The following DLGAP2 variants were observed in gnomAD, a reference collection of about 807,000 sequenced individuals.
The protein encoded by DLGAP2 is disks large-associated protein 2.
Under a neutral mutation model 100.3 loss-of-function variants are expected in DLGAP2, and 26 were observed. The observed-to-expected ratio is 0.26, with a 90% CI of 0.19 to 0.36. The LOEUF (loss-of-function observed/expected upper bound fraction) is 0.36. DLGAP2 is among the 10% of genes least tolerant of loss of function. The pLI is 1.00. For missense variants in DLGAP2, 1,858 were observed against 1,453.2 expected (o/e 1.28, Z -4.53); for synonymous variants, 886 against 630.1 (o/e 1.41, Z -6.08).
At chr8:1,355,974 C>G (rs1382556747) in intron 3 of DLGAP2, among the ~76,000 whole-genome samples, 1 of 152,114 alleles carries the variant, frequency 6.6e-6, no homozygotes, top group Non-Finnish European at 1.5e-5. Context: ...TGGCCTCACC[C>G]AAGGCTCCGC....
chr8:1,017,983 C>G (rs1801518136), intron 2 of DLGAP2, among the ~76,000 whole-genome samples: 1 of 152,174 alleles, frequency 6.6e-6, no homozygotes, highest in Non-Finnish European at 1.5e-5. Flanking sequence ...CAAGTGTACC[C>G]CACAACCTGA....
intron 2 of DLGAP2, among the ~76,000 whole-genome samples, chr8:1,172,930 G>A (rs550782277): frequency 2.9e-4 from 44 of 152,206 alleles, no homozygotes; most frequent in Non-Finnish European, 5.6e-4. Context: ...GTGAGGAACT[G>A]TGATGCTTTG....
chr8:886,972 A>G (rs1797935635), intron 1 of DLGAP2, among the ~76,000 whole-genome samples: 2 of 152,182 alleles, frequency 1.3e-5, no homozygotes, highest in African/African-American at 2.4e-5. Flanking sequence ...GTGGGGTGCT[A>G]AAGTTTCCCA....
intron 1 of DLGAP2, among the ~76,000 whole-genome samples, chr8:756,985 A>G (rs553478238): frequency 7.2e-5 from 11 of 152,106 alleles, no homozygotes; most frequent in Non-Finnish European, 1.5e-4. Flanking sequence ...GGTGCCCGCA[A>G]TGGGTCTTCC....
rs373345317 is a variant in DLGAP2 at position 1,316,589 on chromosome 8, G to A, written c.106+57706G>A. Among the ~76,000 whole-genome samples the A allele has an allele frequency of 3.6e-4, 51 of 141,100 alleles. No individual in the cohort carries two copies. The East Asian group carries it at 9.3e-3, about 26-fold the overall frequency. The allele number at this position is 141,100 out of a possible 152,430, so 92.6% of individuals were successfully genotyped here. ...GTCTCTCCAACAGTGGTCTACACTC[G>A]AGACACTCGGCAGCGTTTAAAAATA... On this transcript the variant is annotated intron_variant, in intron 3 of 14. Transcript: ENST00000637795.
intron 6 of DLGAP2, among the ~76,000 whole-genome samples, chr8:1,594,867 A>T (rs993149964): frequency 2.0e-5 from 3 of 152,144 alleles, no homozygotes; most frequent in Non-Finnish European, 4.4e-5. Flanking sequence ...CCTGCCAGCC[A>T]TGCCCCCTGG....
intron 1 of DLGAP2, among the ~76,000 whole-genome samples, chr8:881,666 A>ATGTGTAT: frequency 7.6e-6 from 1 of 131,048 alleles, no homozygotes; most frequent in Non-Finnish European, 1.7e-5. Flanking sequence ...CTTGTGGCTG[A>ATGTGTAT]ACACACACAC....
At chr8:1,552,603 C>A (rs763476767) in intron 5 of DLGAP2, among the ~76,000 whole-genome samples, 1 of 152,198 alleles carries the variant, frequency 6.6e-6, no homozygotes, top group African/African-American at 2.4e-5. Flanking sequence ...TCTGGGTCCT[C>A]ACAACCCCAG....
intron 3 of DLGAP2, chr8:1,368,562 C>T (rs940711377): frequency 6.6e-6 from 1 of 152,130 alleles, no homozygotes; most frequent in East Asian, 1.9e-4. Flanking sequence ...ATTTATTAAA[C>T]ATGGGCCTAT....
chr8:1,104,509 C>G (rs1329598497), intron 2 of DLGAP2, among the ~76,000 whole-genome samples: 1 of 152,216 alleles, frequency 6.6e-6, no homozygotes, highest in East Asian at 1.9e-4. Flanking sequence ...CGAGCATCTT[C>G]AGAGGGACTT....
chr8:1,549,315 A>G lies in DLGAP2; in HGVS notation c.862A>G (p.Lys288Glu). 1 of 1,612,950 alleles carries G rather than the reference A, an allele frequency of 6.2e-7. No individual in the cohort carries two copies. Among genetic ancestry groups the G allele is most frequent in the Non-Finnish European group, 8.5e-7 (1 of 1,179,658 alleles). Residue 288 changes from lysine (K) to glutamate (E), a missense_variant, in exon 5 of 15, where the codon AAG becomes GAG. Lys to Glu is a moderately conservative substitution (Grantham distance 56, BLOSUM62 1). Coordinates refer to ENST00000637795, the MANE Select transcript of DLGAP2 (RefSeq NM_001346810.2). Reference sequence around the variant, plus strand: ...GAGCAAGGAGCGCAAGCCGGAGGGCAAGCCCCGGCCCGGCATGAGCAGCTG... The same window carrying G: ...GAGCAAGGAGCGCAAGCCGGAGGGCGAGCCCCGGCCCGGCATGAGCAGCTG... ...SKSKERKPEG[K>E]PRPGMSSWWS...
chr8:1,379,384 A>C (rs1288145547), intron 3 of DLGAP2, among the ~76,000 whole-genome samples: 1 of 152,250 alleles, frequency 6.6e-6, no homozygotes, highest in Non-Finnish European at 1.5e-5. Flanking sequence ...GTACGCCGAC[A>C]TCCCTTATCT....
chr8:1,104,068 A>G (rs576279868), intron 2 of DLGAP2, among the ~76,000 whole-genome samples: 1 of 152,206 alleles, frequency 6.6e-6, no homozygotes, highest in East Asian at 1.9e-4. Flanking sequence ...GTCTTCACGC[A>G]TGAATCACCA....
intron 2 of DLGAP2, among the ~76,000 whole-genome samples, chr8:1,037,389 C>G (rs182057067): frequency 2.0e-5 from 3 of 152,244 alleles, no homozygotes; most frequent in Admixed American, 6.5e-5. Flanking sequence ...GGGCTTCCCT[C>G]GGTGTTATCA....
chr8:1,579,182 T>C (rs973133470), intron 6 of DLGAP2, among the ~76,000 whole-genome samples: 8 of 152,230 alleles, frequency 5.3e-5, no homozygotes, highest in Admixed American at 5.2e-4. Flanking sequence ...TGAATGTCTC[T>C]GGGTCATTCT....
chr8:1,505,420 C>G (rs1284405234), intron 4 of DLGAP2, among the ~76,000 whole-genome samples: 1 of 152,174 alleles, frequency 6.6e-6, no homozygotes, highest in Non-Finnish European at 1.5e-5. Context: ...TTCAAAAGCT[C>G]CAAGGAAAGC....
intron 2 of DLGAP2, among the ~76,000 whole-genome samples, chr8:1,156,639 G>GCGCCCCA (rs1554493440): frequency 8.1e-5 from 12 of 147,438 alleles, no homozygotes; most frequent in African/African-American, 1.8e-4. Flanking sequence ...CCAGCGCCCC[G>GCGCCCCA]GCTCAGCGCC....
At chr8:875,739 A>T (rs1304548682) in intron 1 of DLGAP2, among the ~76,000 whole-genome samples, 1 of 152,188 alleles carries the variant, frequency 6.6e-6, no homozygotes, top group Non-Finnish European at 1.5e-5. Context: ...CATTAAGTGA[A>T]TATTTTCCAC....
chr8:954,812 C>T (rs1799559552), intron 2 of DLGAP2, among the ~76,000 whole-genome samples: 1 of 152,044 alleles, frequency 6.6e-6, no homozygotes, highest in African/African-American at 2.4e-5. Context: ...GAGGGTAGGG[C>T]TGGTATGGTA....
Sources: gnomAD v4.1 joint callset for allele counts (sites outside exome capture counted in the v4.1 genomes callset) on GRCh38, gnomAD v4.1.1 for gene constraint, MANE v1.5 for transcripts, NCBI Gene and HGNC (gene_info 2026-07-23, HGNC 2026-07-21) for gene names.